The following KALRN variants were observed in gnomAD, a reference collection of about 807,000 sequenced individuals.
The protein encoded by KALRN is kalirin RhoGEF kinase.
Under a neutral mutation model 353.7 loss-of-function variants are expected in KALRN, and 70 were observed. The observed-to-expected ratio is 0.20, with a 90% CI of 0.16 to 0.24. The LOEUF (loss-of-function observed/expected upper bound fraction) is 0.24, where lower values mean the gene tolerates loss of function less well. Ranked by LOEUF, KALRN falls within the 10% of genes least tolerant of loss-of-function variation. The pLI is 1.00. For missense variants in KALRN, 2,791 were observed against 3,756.7 expected (o/e 0.74, Z 6.72); for synonymous variants, 1,391 against 1,434.8 (o/e 0.97, Z 0.69).
Position 124,334,213 on chromosome 3 carries a change from T to C in KALRN, c.1417-52T>C. On this transcript the variant is annotated intron_variant, in intron 8 of 59. Transcript: ENST00000682506. This position sits in a 1 kb window ranked among gnomAD's most constrained non-coding sequence, Gnocchi z 4.2. ...GGCAGACACTTCCTGCTTCTCTCTG[T>C]GCCCTGCCTATCACCCTTTTCCCTT... 1 of 1,467,768 alleles carries C rather than the reference T, an allele frequency of 6.8e-7. No individual in the cohort carries two copies. Among genetic ancestry groups the C allele is most frequent in the Non-Finnish European group, 9.5e-7 (1 of 1,047,786 alleles). 90.9% of individuals were successfully genotyped at this position (1,467,768 alleles called of 1,614,324 possible).
At chr3:124,475,073 A>T (rs1243320491) in intron 26 of KALRN, among the ~76,000 whole-genome samples, 1 of 152,182 alleles carries the variant, frequency 6.6e-6, no homozygotes. Context: ...ATTTAAAAAA[A>T]ATTTTTTATC....
intron 5 of KALRN, among the ~76,000 whole-genome samples, chr3:124,292,870 T>C (rs1271108115): frequency 2.0e-5 from 3 of 152,234 alleles, no homozygotes; most frequent in Non-Finnish European, 4.4e-5. Flanking sequence ...ATCATTTTAT[T>C]TGAATCTCCC....
At chr3:124,210,081 G>T (rs992114079) in intron 1 of KALRN, among the ~76,000 whole-genome samples, 1 of 152,174 alleles carries the variant, frequency 6.6e-6, no homozygotes, top group Non-Finnish European at 1.5e-5. Context: ...CTAGTTAAAT[G>T]ACCTTAAGCA....
chr3:124,214,911 G>A (rs569350074), intron 1 of KALRN, among the ~76,000 whole-genome samples: 139 of 152,310 alleles, frequency 9.1e-4, no homozygotes, highest in Non-Finnish European at 1.5e-3. Context: ...GGGCTCTGAA[G>A]GCTGCCTACT....
chr3:124,628,742 ATTTTT>A (rs58523719), intron 34 of KALRN, among the ~76,000 whole-genome samples: 1 of 100,148 alleles, frequency 1.0e-5, no homozygotes, highest in Non-Finnish European at 2.0e-5. Flanking sequence ...CACCTGGCTA[ATTTTT>A]TTTTTTTTTT....
At chr3:124,098,942 A>G (rs1342025797) in intron 1 of KALRN, among the ~76,000 whole-genome samples, 3 of 152,230 alleles carry the variant, frequency 2.0e-5, no homozygotes, top group Non-Finnish European at 4.4e-5. Context: ...CTTAAGTGAT[A>G]TGCTGAATTA....
At chr3:124,357,958 A>G (rs908727671) in intron 10 of KALRN, among the ~76,000 whole-genome samples, 2 of 152,126 alleles carry the variant, frequency 1.3e-5, no homozygotes, top group Non-Finnish European at 2.9e-5. Context: ...TCTCAACTCT[A>G]AGAATGATAA....
chr3:124,244,359 T>C (rs2080861708), intron 3 of KALRN, among the ~76,000 whole-genome samples: 1 of 152,130 alleles, frequency 6.6e-6, no homozygotes, highest in Non-Finnish European at 1.5e-5. Context: ...TGCCTCAGCC[T>C]CACAAGTAGC....
chr3:124,562,980 T>A lies in KALRN; in HGVS notation c.5073T>A (p.Arg1691=), dbSNP rs1325998483. 2 of 1,367,854 alleles carry A rather than the reference T, an allele frequency of 1.5e-6. No homozygotes were observed. Among genetic ancestry groups the A allele is most frequent in the Admixed American group, 3.8e-5 (2 of 52,598 alleles). The allele number at this position is 1,367,854 out of a possible 1,614,324, so 84.7% of individuals were successfully genotyped here. A position where few individuals can be genotyped will look rare whatever the true frequency, so the allele number is the denominator to read the frequency against. Residue 1691 remains arginine, a synonymous_variant, in exon 34 of 60, where the codon CGT becomes CGA. Transcript: ENST00000682506. ...AGCGGCCTGGTTGGTGTCTGGTCCG[T>A]ACCACCGAACGGAGCCCGCCCTTGG... ...PSERPGWCLV[R]TTERSPPLEG...
At chr3:124,534,323 T>C (rs1463930863) in intron 33 of KALRN, among the ~76,000 whole-genome samples, 1 of 152,080 alleles carries the variant, frequency 6.6e-6, no homozygotes, top group Non-Finnish European at 1.5e-5. Flanking sequence ...AGTTGAACAA[T>C]GAGAACACAT....
chr3:124,322,679 C>G (rs79781847), intron 6 of KALRN, among the ~76,000 whole-genome samples: 1 of 152,172 alleles, frequency 6.6e-6, no homozygotes, highest in Non-Finnish European at 1.5e-5. Flanking sequence ...CATGAAAAGT[C>G]GTTTATGCTT....
At chr3:124,385,126 C>G in intron 11 of KALRN, 90 bp downstream of exon 11, 3 of 1,123,392 alleles carry the variant, frequency 2.7e-6, no homozygotes, top group East Asian at 2.5e-5. Context: ...TGACCAGGGT[C>G]CTGGGTAGTC....
chr3:124,435,658 G>A (rs541341245), intron 17 of KALRN, among the ~76,000 whole-genome samples: 8 of 152,286 alleles, frequency 5.3e-5, no homozygotes, highest in African/African-American at 1.9e-4. Flanking sequence ...TGCAGCCAGG[G>A]TGAGAGTCTC....
chr3:124,287,137 T>C (rs769266790), intron 5 of KALRN, among the ~76,000 whole-genome samples: 30 of 152,162 alleles, frequency 2.0e-4, no homozygotes, highest in Non-Finnish European at 4.0e-4. Flanking sequence ...GGGTCACAAA[T>C]GAATGCCCAG....
intron 34 of KALRN, among the ~76,000 whole-genome samples, chr3:124,609,263 C>A (rs1438246711): frequency 6.6e-6 from 1 of 151,922 alleles, no homozygotes; most frequent in African/African-American, 2.4e-5. Context: ...TAAACTAAGT[C>A]CTCCTGTTGG....
chr3:124,187,939 A>G (rs1040234153), intron 1 of KALRN, among the ~76,000 whole-genome samples: 12 of 152,188 alleles, frequency 7.9e-5, no homozygotes, highest in African/African-American at 2.4e-4. Flanking sequence ...CCAGTAGGGT[A>G]GATAAACTGG....
Position 124,033,947 on chromosome 3 carries a change from C to G in KALRN, c.73+134C>G, listed in dbSNP as rs540556006. Among the ~76,000 whole-genome samples the G allele has an allele frequency of 2.0e-5, 3 of 151,864 alleles. No homozygotes were observed. The highest frequency in any genetic ancestry group is 7.2e-5 in the African/African-American group (3 of 41,416). ...GGGCAGTGCCCCCTCGGCGTCGGGG[C>G]TGGAGTTGCCGAGATTCTGGTTGTT... On this transcript the variant is annotated intron_variant, in intron 1 of 59. Transcript: ENST00000682506. This position sits in a 1 kb window ranked among gnomAD's most constrained non-coding sequence, Gnocchi z 6.2.
At chr3:124,514,464 A>G (rs1329403669) in intron 33 of KALRN, among the ~76,000 whole-genome samples, 3 of 152,236 alleles carry the variant, frequency 2.0e-5, no homozygotes, top group Non-Finnish European at 4.4e-5. Flanking sequence ...CAAGCCATCC[A>G]GAGGTTAAGC....
chr3:124,283,191 T>TC (rs1366859891), intron 5 of KALRN, among the ~76,000 whole-genome samples: 4 of 152,196 alleles, frequency 2.6e-5, no homozygotes, highest in African/African-American at 9.7e-5. Flanking sequence ...CAACAGACAC[T>TC]CCATTTTTGC....
Sources: allele counts gnomAD v4.1 joint callset (sites outside exome capture counted in the v4.1 genomes callset), GRCh38; gene constraint gnomAD v4.1.1; non-coding constraint Gnocchi (gnomAD v3.1); transcripts MANE v1.5; gene names NCBI Gene and HGNC (gene_info 2026-07-23, HGNC 2026-07-21).